The following RBFOX1 variants were observed in gnomAD, a reference collection of about 807,000 sequenced individuals.
The protein encoded by RBFOX1 is RNA binding protein fox-1 homolog 1.
RBFOX1 carries 8 observed loss-of-function variants against 57.7 expected under a neutral mutation model. The ratio of observed to expected loss-of-function variants is 0.14; its 90% CI spans 0.08 to 0.25. The LOEUF (loss-of-function observed/expected upper bound fraction) is 0.25. Ranked by LOEUF, RBFOX1 falls within the 10% of genes least tolerant of loss-of-function variation. The pLI, the probability that RBFOX1 is intolerant of heterozygous loss-of-function variation, is 1.00. For missense variants in RBFOX1, 611 were observed against 548.5 expected, an observed-to-expected ratio of 1.11 and a Z score of -1.14; for synonymous variants, 326 against 222.4, an observed-to-expected ratio of 1.47 and a Z score of -4.15.
chr16:6,893,039 C>A (rs903054183), intron 3 of RBFOX1, among the ~76,000 whole-genome samples: 1 of 152,156 alleles, frequency 6.6e-6, no homozygotes, highest in African/African-American at 2.4e-5. Context: ...TTTGCACCAA[C>A]CGAATACATG....
intron 1 of RBFOX1, among the ~76,000 whole-genome samples, chr16:6,226,930 G>T (rs1268326252): frequency 7.1e-6 from 1 of 141,538 alleles, no homozygotes; most frequent in East Asian, 2.0e-4. Flanking sequence ...CCAACATGAT[G>T]AAACCCCATC....
Position 5,845,343 on chromosome 16 carries a change from C to G in RBFOX1, c.319-21960C>G, listed in dbSNP as rs116026830. ...TACCCAGCACTGGGAATATTCCTCTCCAGCCTGTCTTGAGTTTCAGATCTC... is the reference window on the plus strand; with the variant it reads ...TACCCAGCACTGGGAATATTCCTCTGCAGCCTGTCTTGAGTTTCAGATCTC... On this transcript the variant is annotated intron_variant, in intron 3 of 19. Coordinates refer to the RBFOX1 transcript ENST00000641259. 8.2e-3 allele frequency among the ~76,000 whole-genome samples: 1,252 copies of G among 152,304 alleles called. 16 individuals carry two copies. Among genetic ancestry groups the G allele is most frequent in the African/African-American group, 0.028 (1,173 of 41,564 alleles).
At chr16:7,618,989 G>A (rs1005847915) in intron 10 of RBFOX1, among the ~76,000 whole-genome samples, 2 of 152,154 alleles carry the variant, frequency 1.3e-5, no homozygotes, top group African/African-American at 4.8e-5. Flanking sequence ...TAATTATGCC[G>A]TATGCTACGT....
At chr16:6,447,498 T>C (rs1275163835) in intron 2 of RBFOX1, among the ~76,000 whole-genome samples, 1 of 152,232 alleles carries the variant, frequency 6.6e-6, no homozygotes, top group Non-Finnish European at 1.5e-5. Context: ...ATCATTTTAG[T>C]GCACAGGCTT....
At chr16:6,310,977 T>A (rs960832139) in intron 1 of RBFOX1, among the ~76,000 whole-genome samples, 1 of 151,722 alleles carries the variant, frequency 6.6e-6, no homozygotes, top group Non-Finnish European at 1.5e-5. Flanking sequence ...TTATCAGAGA[T>A]GCTAGGACAT....
At chr16:5,523,863 G>A (rs2044125954) in intron 2 of RBFOX1, among the ~76,000 whole-genome samples, 1 of 152,176 alleles carries the variant, frequency 6.6e-6, no homozygotes, top group South Asian at 2.1e-4. Context: ...GGTGTCCTTG[G>A]GGCAGCATGG....
intron 2 of RBFOX1, among the ~76,000 whole-genome samples, chr16:6,611,026 A>C (rs569572841): frequency 6.6e-6 from 1 of 152,322 alleles, no homozygotes; most frequent in Admixed American, 6.5e-5. Flanking sequence ...AATTAGAAGA[A>C]AGTGTATGTT....
At chr16:6,725,102 G>A (rs1050943086) in intron 3 of RBFOX1, among the ~76,000 whole-genome samples, 2 of 129,956 alleles carry the variant, frequency 1.5e-5, no homozygotes, top group East Asian at 5.1e-4. Flanking sequence ...CCTTGCTGGA[G>A]TGCAGTGGTG....
At chr16:6,312,151 C>T (rs761813921) in intron 1 of RBFOX1, among the ~76,000 whole-genome samples, 4 of 152,164 alleles carry the variant, frequency 2.6e-5, no homozygotes, top group Non-Finnish European at 5.9e-5. Context: ...TTGCTAGCAA[C>T]AGAAATCCAT....
intron 3 of RBFOX1, among the ~76,000 whole-genome samples, chr16:6,784,038 C>G (rs1463980638): frequency 1.3e-5 from 2 of 152,060 alleles, no homozygotes; most frequent in African/African-American, 2.4e-5. Flanking sequence ...ATTTTCTTTG[C>G]TTATTTTCTC....
intron 3 of RBFOX1, among the ~76,000 whole-genome samples, chr16:6,895,414 ATATATG>A (rs1310336572): frequency 5.4e-5 from 3 of 55,484 alleles, no homozygotes; most frequent in South Asian, 6.7e-4. Context: ...GTTGTTAGTA[ATATATG>A]TGTGTGTGTG....
intron 13 of RBFOX1, among the ~76,000 whole-genome samples, chr16:7,665,389 C>A (rs995066178): frequency 5.9e-5 from 9 of 152,076 alleles, no homozygotes; most frequent in Non-Finnish European, 1.0e-4. Context: ...GATGTTTTCC[C>A]TAAAATATCA....
intron 3 of RBFOX1, among the ~76,000 whole-genome samples, chr16:6,719,630 T>C (rs936867882): frequency 6.6e-6 from 1 of 151,546 alleles, no homozygotes; most frequent in Non-Finnish European, 1.5e-5. Flanking sequence ...GTATTTTTAG[T>C]AGAGATGGGG....
At chr16:7,589,337 G>T (rs532133600) in intron 7 of RBFOX1, among the ~76,000 whole-genome samples, 2 of 152,184 alleles carry the variant, frequency 1.3e-5, no homozygotes, top group Non-Finnish European at 2.9e-5. Flanking sequence ...GAGCTGTTTT[G>T]GGACATTAGA....
chr16:7,000,563 A>C (rs1284038216), intron 3 of RBFOX1, among the ~76,000 whole-genome samples: 3 of 142,960 alleles, frequency 2.1e-5, no homozygotes, highest in Non-Finnish European at 3.1e-5. Flanking sequence ...ACACATAATA[A>C]GTTTTCTTTT....
At chr16:6,872,740 C>G (rs2061156692) in intron 3 of RBFOX1, among the ~76,000 whole-genome samples, 1 of 151,904 alleles carries the variant, frequency 6.6e-6, no homozygotes. Context: ...TGTTTTTTGT[C>G]CTTCAGGAGT....
intron 1 of RBFOX1, among the ~76,000 whole-genome samples, chr16:6,024,518 T>A (rs1280024897): frequency 1.3e-5 from 2 of 152,094 alleles, no homozygotes; most frequent in Non-Finnish European, 2.9e-5. Flanking sequence ...AAACAGAGCC[T>A]CACGTTGTAT....
At chr16:6,270,487 A>G (rs1290356865) in intron 1 of RBFOX1, among the ~76,000 whole-genome samples, 1 of 151,872 alleles carries the variant, frequency 6.6e-6, no homozygotes, top group Non-Finnish European at 1.5e-5. Flanking sequence ...AACTAGAAAT[A>G]GAGACGATAT....
rs771957716 is a variant in RBFOX1 at position 7,518,236 on chromosome 16, G to A, written c.117G>A (p.Ala39=). 4.3e-6 allele frequency: 7 copies of A among 1,614,002 alleles called. No individual in the cohort carries two copies. The highest frequency in any genetic ancestry group is 2.2e-5 in the South Asian group (2 of 91,054). Residue 39 remains alanine, a synonymous_variant, in exon 5 of 16, where the codon GCG becomes GCA. Coordinates refer to ENST00000550418, the MANE Select transcript of RBFOX1 (RefSeq NM_018723.4). ...CTCCCCCGCAGAACGGTATCCCCGC[G>A]GAATACACGGCCCCTCATCCCCACC... ...QFAPPQNGIP[A]EYTAPHPHPA...
Sources: allele counts gnomAD v4.1 joint callset (sites outside exome capture counted in the v4.1 genomes callset), GRCh38; gene constraint gnomAD v4.1.1; transcripts MANE v1.5; gene names NCBI Gene and HGNC (gene_info 2026-07-23, HGNC 2026-07-21).